The following AIG1 variants were observed in gnomAD, a reference collection of about 807,000 sequenced individuals.
The protein encoded by AIG1 is androgen induced 1, also known as androgen-induced gene 1 protein.
In AIG1, 23 loss-of-function variants were observed where a neutral mutation model predicts 31.4. The observed-to-expected ratio is 0.73, with a 90% confidence interval of 0.53 to 1.04. The LOEUF (loss-of-function observed/expected upper bound fraction) is 1.04. AIG1 is among the 50% of genes least tolerant of loss of function. The pLI is 0.00. For missense variants in AIG1, 274 were observed against 295.0 expected, an observed-to-expected ratio of 0.93 and a Z score of 0.52; for synonymous variants, 100 against 110.5, an observed-to-expected ratio of 0.90 and a Z score of 0.60.
At chr6:143,067,972 C>A (rs1035113454) in intron 1 of AIG1, among the ~76,000 whole-genome samples, 1 of 152,100 alleles carries the variant, frequency 6.6e-6, no homozygotes, top group Non-Finnish European at 1.5e-5. Context: ...TAATGCTTTG[C>A]ATAGAATCCT....
chr6:143,239,627 A>G (rs1422955816), intron 3 of AIG1, among the ~76,000 whole-genome samples: 1 of 152,114 alleles, frequency 6.6e-6, no homozygotes, highest in Non-Finnish European at 1.5e-5. Flanking sequence ...TTATAAGTCT[A>G]CCTTACTCAG....
At chr6:143,154,388 G>A (rs1785524768) in intron 2 of AIG1, among the ~76,000 whole-genome samples, 1 of 152,086 alleles carries the variant, frequency 6.6e-6, no homozygotes, top group African/African-American at 2.4e-5. Context: ...TCAAAATGAT[G>A]AAACTGTAGT....
intron 3 of AIG1, among the ~76,000 whole-genome samples, chr6:143,269,363 G>T (rs1467788119): frequency 6.6e-6 from 1 of 152,244 alleles, no homozygotes; most frequent in Non-Finnish European, 1.5e-5. Flanking sequence ...ATACACTGCT[G>T]ACGGGAGGGT....
intron 1 of AIG1, among the ~76,000 whole-genome samples, chr6:143,110,513 C>G (rs2128490523): frequency 6.6e-6 from 1 of 152,294 alleles, no homozygotes; most frequent in South Asian, 2.1e-4. Flanking sequence ...TGGAGGACTG[C>G]ACATCGTTCA....
At chr6:143,306,181 T>A (rs1437703881) in intron 4 of AIG1, among the ~76,000 whole-genome samples, 2 of 151,916 alleles carry the variant, frequency 1.3e-5, no homozygotes, top group Admixed American at 1.3e-4. Flanking sequence ...CTTTATCCAA[T>A]TTACCAGTCT....
intron 1 of AIG1, among the ~76,000 whole-genome samples, chr6:143,071,973 G>C (rs1253084072): frequency 6.8e-6 from 1 of 146,144 alleles, no homozygotes; most frequent in African/African-American, 2.5e-5. Flanking sequence ...TTTTTTTTTT[G>C]TGCAGACAGG....
chr6:143,185,747 G>C (rs1039255447), intron 3 of AIG1, among the ~76,000 whole-genome samples: 1 of 151,966 alleles, frequency 6.6e-6, no homozygotes, highest in Non-Finnish European at 1.5e-5. Flanking sequence ...GCACATAATA[G>C]GTCTCAAAAA....
intron 2 of AIG1, among the ~76,000 whole-genome samples, chr6:143,147,077 C>A (rs1424639439): frequency 6.6e-6 from 1 of 152,110 alleles, no homozygotes; most frequent in African/African-American, 2.4e-5. Flanking sequence ...AAGTTTCCCA[C>A]CAGAGAATGT....
intron 3 of AIG1, among the ~76,000 whole-genome samples, chr6:143,272,998 C>T (rs544724661): frequency 6.6e-5 from 10 of 152,082 alleles, no homozygotes; most frequent in Non-Finnish European, 1.2e-4. Context: ...GCATCGTGAT[C>T]GGCACCTGTT....
intron 3 of AIG1, among the ~76,000 whole-genome samples, chr6:143,218,377 A>G (rs915620204): frequency 6.6e-6 from 1 of 152,124 alleles, no homozygotes; most frequent in African/African-American, 2.4e-5. Context: ...TCTGGGAAAC[A>G]CTTTAGATAC....
At position 143,331,002 on chromosome 6, in the gene AIG1, T is replaced by C. The variant is rs1215957362; in HGVS notation, c.516-2280T>C. On this transcript the variant is annotated intron_variant, in intron 4 of 5. Coordinates refer to ENST00000357847, the MANE Select transcript of AIG1 (RefSeq NM_016108.4). The surrounding 1 kb of genome is among the most constrained non-coding windows in gnomAD (Gnocchi z 4.1). The stretch of plus-strand genomic sequence containing the variant: ...AGAATCTTTGGACTAACATGGCCTC[T>C]TTTTTTGATACAAATATTTTTGTTT... Among the ~76,000 whole-genome samples, 1 of 152,190 alleles carries C rather than the reference T, an allele frequency of 6.6e-6. No individual in the cohort carries two copies. The highest frequency in any genetic ancestry group is 1.5e-5 in the Non-Finnish European group (1 of 68,030).
intron 3 of AIG1, among the ~76,000 whole-genome samples, chr6:143,177,090 T>A (rs932725681): frequency 6.6e-6 from 1 of 152,220 alleles, no homozygotes; most frequent in African/African-American, 2.4e-5. Context: ...ATTATTGAAG[T>A]TCTCAATTTT....
In AIG1 at chr6:143,338,032, C is replaced by A. The variant is rs1777637060; in HGVS notation, c.680-1607C>A. 2 of 398,488 alleles carry A rather than the reference C, an allele frequency of 5.0e-6. No individual in the cohort carries two copies. The highest frequency in any genetic ancestry group is 8.8e-6 in the Non-Finnish European group (2 of 226,098). The allele number at this position is 398,488 out of a possible 1,614,324, so 24.7% of individuals were successfully genotyped here. The stretch of plus-strand genomic sequence containing the variant: ...TTTCCCTCTCTAGGTCAATGAATAC[C>A]CCCCGTTCTCCACCCGCGCTTTTGA... On this transcript the variant is annotated intron_variant, in intron 5 of 5. Coordinates refer to ENST00000357847, the MANE Select transcript of AIG1 (RefSeq NM_016108.4). The surrounding 1 kb of genome is among the most constrained non-coding windows in gnomAD (Gnocchi z 4.3).
chr6:143,339,551 T>C, intron 5 of AIG1, 88 bp from the exon 6 acceptor site: 1 of 1,341,300 alleles, frequency 7.5e-7, no homozygotes, highest in South Asian at 1.3e-5. Context: ...GATGAGTGGA[T>C]GTGTGAGTAG....
At chr6:143,122,976 T>C (rs2128503093) in intron 1 of AIG1, among the ~76,000 whole-genome samples, 1 of 152,346 alleles carries the variant, frequency 6.6e-6, no homozygotes, top group African/African-American at 2.4e-5. Context: ...CAGTGTCTTG[T>C]TGAGCTTCCT....
At chr6:143,130,978 C>A (rs1473175958) in intron 1 of AIG1, among the ~76,000 whole-genome samples, 1 of 152,122 alleles carries the variant, frequency 6.6e-6, no homozygotes, top group African/African-American at 2.4e-5. Context: ...ATGCTGGAAA[C>A]CTACTTTAAT....
chr6:143,093,197 A>G lies in AIG1; in HGVS notation c.141+32131A>G, dbSNP rs546149104. On this transcript the variant is annotated intron_variant, in intron 1 of 5. Transcript: ENST00000357847. Reference sequence around the variant, plus strand: ...TGTCTACATTGAAAATCTGTTGTTTATTGCAGTCATCTTCAGCAATGATCT... The same window carrying G: ...TGTCTACATTGAAAATCTGTTGTTTGTTGCAGTCATCTTCAGCAATGATCT... Among the ~76,000 whole-genome samples the G allele has an allele frequency of 6.0e-4, 92 of 152,276 alleles. 1 individual carries two copies. Among genetic ancestry groups the G allele is most frequent in the African/African-American group, 2.1e-3 (88 of 41,544 alleles).
At position 143,331,849 on chromosome 6, in the gene AIG1, A is replaced by T. The variant is rs555746715; in HGVS notation, c.516-1433A>T. ...TGAGGTACATGTGTAGGTAATGTTT[A>T]TTATTATTATTATTATTATTATTAT... On this transcript the variant is annotated intron_variant, in intron 4 of 5. Coordinates refer to ENST00000357847, the MANE Select transcript of AIG1 (RefSeq NM_016108.4). This position sits in a 1 kb window ranked among gnomAD's most constrained non-coding sequence, Gnocchi z 4.1. Among the ~76,000 whole-genome samples the T allele has an allele frequency of 2.6e-5, 2 of 77,686 alleles. No homozygotes were observed. The highest frequency in any genetic ancestry group is 2.5e-4 in the East Asian group (1 of 4,058). The allele number at this position is 77,686 out of a possible 152,430, so 51.0% of individuals were successfully genotyped here.
At chr6:143,092,799 C>T (rs998373244) in intron 1 of AIG1, among the ~76,000 whole-genome samples, 5 of 152,164 alleles carry the variant, frequency 3.3e-5, no homozygotes, top group Non-Finnish European at 7.3e-5. Context: ...GCTGTAATCC[C>T]AGCGTTTTGA....
Sources: allele counts gnomAD v4.1 joint callset (sites outside exome capture counted in the v4.1 genomes callset), GRCh38; gene constraint gnomAD v4.1.1; non-coding constraint Gnocchi (gnomAD v3.1); transcripts MANE v1.5; gene names NCBI Gene and HGNC (gene_info 2026-07-23, HGNC 2026-07-21).